The following GSG1L variants were observed in gnomAD, a reference collection of about 807,000 sequenced individuals.
The protein encoded by GSG1L is GSG1 like.
GSG1L carries 24 observed loss-of-function variants against 42.1 expected under a neutral mutation model. The observed-to-expected ratio is 0.57, with a 90% CI of 0.41 to 0.80. The LOEUF (loss-of-function observed/expected upper bound fraction) is 0.80, where lower values mean the gene tolerates loss of function less well. GSG1L is among the 30% of genes least tolerant of loss of function. The pLI is 0.00. For synonymous variants in GSG1L, 215 were observed against 203.5 expected, an observed-to-expected ratio of 1.06 and a Z score of -0.48; for missense variants, 445 against 472.2, an observed-to-expected ratio of 0.94 and a Z score of 0.53.
chr16:27,872,015 GA>G (rs2083827728), intron 3 of GSG1L, among the ~76,000 whole-genome samples: 1 of 152,210 alleles, frequency 6.6e-6, no homozygotes, highest in African/African-American at 2.4e-5. Context: ...ATATGTAAAT[GA>G]TACCTCAATA....
At chr16:28,027,114 T>C (rs1450588736) in intron 1 of GSG1L, among the ~76,000 whole-genome samples, 2 of 152,096 alleles carry the variant, frequency 1.3e-5, no homozygotes, top group Admixed American at 6.6e-5. Flanking sequence ...GAATTAATAA[T>C]TATAAACAAA....
chr16:28,026,958 T>C (rs752245571), intron 1 of GSG1L, among the ~76,000 whole-genome samples: 9 of 152,126 alleles, frequency 5.9e-5, no homozygotes, highest in Non-Finnish European at 1.0e-4. Context: ...GGTGCACACA[T>C]GTAATTCCAG....
intron 3 of GSG1L, chr16:27,850,716 G>T (rs763036302): frequency 7.8e-6 from 3 of 382,178 alleles, no homozygotes; most frequent in Non-Finnish European, 1.5e-5. Context: ...GGGGGTGATA[G>T]CTGGAGAGGG....
intron 2 of GSG1L, among the ~76,000 whole-genome samples, chr16:27,895,772 C>G (rs1160707000): frequency 1.3e-5 from 2 of 152,124 alleles, no homozygotes; most frequent in African/African-American, 4.8e-5. Flanking sequence ...TTAATAAGTC[C>G]GGAAAGCTTT....
chr16:27,947,504 A>G (rs1170573246), intron 2 of GSG1L, among the ~76,000 whole-genome samples: 1 of 151,254 alleles, frequency 6.6e-6, no homozygotes, highest in African/African-American at 2.4e-5. Context: ...AAAGAGAAAG[A>G]AAGAAGGAAA....
intron 1 of GSG1L, among the ~76,000 whole-genome samples, chr16:27,981,541 C>T (rs761968466): frequency 1.3e-5 from 2 of 152,192 alleles, no homozygotes; most frequent in East Asian, 1.9e-4. Context: ...GCCAGTTCAA[C>T]TGACGGGGCA....
chr16:27,824,277 AG>A (rs1209389748), intron 5 of GSG1L, among the ~76,000 whole-genome samples: 4 of 152,246 alleles, frequency 2.6e-5, no homozygotes, highest in Non-Finnish European at 4.4e-5. Context: ...ACAGGCTCAA[AG>A]GGGCTCAGCG....
intron 2 of GSG1L, among the ~76,000 whole-genome samples, chr16:27,885,442 C>G (rs998093494): frequency 6.6e-6 from 1 of 152,208 alleles, no homozygotes; most frequent in South Asian, 2.1e-4. Context: ...AGCCACCACA[C>G]CTGGCCCACC....
intron 1 of GSG1L, among the ~76,000 whole-genome samples, chr16:28,031,890 G>A (rs934064890): frequency 2.0e-5 from 3 of 152,234 alleles, no homozygotes; most frequent in African/African-American, 7.2e-5. Flanking sequence ...CAGAGATCAC[G>A]CATTTCCTAA....
At chr16:27,997,019 C>T (rs888529090) in intron 1 of GSG1L, among the ~76,000 whole-genome samples, 2 of 152,212 alleles carry the variant, frequency 1.3e-5, no homozygotes, top group Non-Finnish European at 2.9e-5. Flanking sequence ...ACCTCGGCCT[C>T]CCAAAGTGCT....
chr16:27,893,201 G>A (rs2084149271), intron 2 of GSG1L, among the ~76,000 whole-genome samples: 1 of 152,220 alleles, frequency 6.6e-6, no homozygotes, highest in Non-Finnish European at 1.5e-5. Context: ...AACTGATCCT[G>A]TTAGCTGCAC....
At chr16:27,946,745 G>A (rs145475204) in intron 2 of GSG1L, among the ~76,000 whole-genome samples, 14 of 152,244 alleles carry the variant, frequency 9.2e-5, no homozygotes, top group Admixed American at 9.2e-4. Context: ...GGAATTCTGT[G>A]CGTTATTCTA....
chr16:28,056,798 G>C (rs1248416473), intron 1 of GSG1L, among the ~76,000 whole-genome samples: 1 of 152,000 alleles, frequency 6.6e-6, no homozygotes, highest in Non-Finnish European at 1.5e-5. Context: ...TCCCAGCAGG[G>C]AGATGGATGA....
chr16:28,032,198 A>G (rs1215491373), intron 1 of GSG1L, among the ~76,000 whole-genome samples: 2 of 152,188 alleles, frequency 1.3e-5, no homozygotes, highest in Non-Finnish European at 2.9e-5. Flanking sequence ...GAAACCCAGA[A>G]AGGCTCTTTT....
At chr16:27,929,079 G>A (rs138822298) in intron 2 of GSG1L, among the ~76,000 whole-genome samples, 32 of 152,320 alleles carry the variant, frequency 2.1e-4, no homozygotes, top group East Asian at 1.5e-3. Context: ...ATGTGCAAAG[G>A]TGCAGCCCAG....
intron 1 of GSG1L, among the ~76,000 whole-genome samples, chr16:28,006,684 C>T (rs1169303541): frequency 6.6e-6 from 1 of 152,126 alleles, no homozygotes; most frequent in African/African-American, 2.4e-5. Flanking sequence ...TACATGTATG[C>T]TGTTTTAAGC....
chr16:27,933,465 T>C (rs917337389), intron 2 of GSG1L, among the ~76,000 whole-genome samples: 2 of 152,022 alleles, frequency 1.3e-5, no homozygotes, highest in Admixed American at 6.6e-5. Context: ...CAGGGCAACA[T>C]GGCAAAACCC....
intron 3 of GSG1L, among the ~76,000 whole-genome samples, chr16:27,853,079 C>A (rs1053290118): frequency 6.6e-6 from 1 of 151,980 alleles, no homozygotes; most frequent in South Asian, 2.1e-4. Flanking sequence ...CAGCCTCCCG[C>A]GGAAAAAAAA....
intron 3 of GSG1L, among the ~76,000 whole-genome samples, chr16:27,856,551 G>A (rs1028704552): frequency 2.0e-5 from 3 of 152,144 alleles, no homozygotes; most frequent in Admixed American, 6.5e-5. Flanking sequence ...CTTGGCTCAA[G>A]TGATCCCACC....
Sources: allele counts gnomAD v4.1 joint callset (sites outside exome capture counted in the v4.1 genomes callset), GRCh38; gene constraint gnomAD v4.1.1; transcripts MANE v1.5; gene names NCBI Gene and HGNC (gene_info 2026-07-23, HGNC 2026-07-21).